The following ZBTB16 variants were observed in gnomAD, a reference collection of about 807,000 sequenced individuals.
The protein encoded by ZBTB16 is zinc finger and BTB domain containing 16.
ZBTB16 carries 8 observed loss-of-function variants against 56.8 expected under a neutral mutation model. The observed-to-expected ratio is 0.14, with a 90% CI of 0.08 to 0.25. The LOEUF (loss-of-function observed/expected upper bound fraction) is 0.25, where lower values mean the gene tolerates loss of function less well. ZBTB16 is among the 10% of genes least tolerant of loss of function. The pLI is 1.00. For missense variants in ZBTB16, 625 were observed against 903.0 expected (o/e 0.69, Z 3.95); for synonymous variants, 363 against 368.5 (o/e 0.98, Z 0.17).
chr11:114,256,744 G>A lies in ZBTB16; in HGVS notation c.*6189G>A, dbSNP rs1945023592. Among the ~76,000 whole-genome samples, 2 of 152,108 alleles carry A rather than the reference G, an allele frequency of 1.3e-5. No individual in the cohort carries two copies. The highest frequency in any genetic ancestry group is 2.4e-5 in the African/African-American group (1 of 41,404). ...GTGCAAGCTCTGCATTGTCATGGAC[G>A]GAATAAAGGATTTCCACAACACTCA... is the stretch of plus-strand genomic sequence containing the variant. On this transcript the variant is annotated 3_prime_UTR_variant, in exon 7 of 7. Coordinates refer to ENST00000335953, the MANE Select transcript of ZBTB16 (RefSeq NM_006006.6).
At position 114,255,338 on chromosome 11, in the gene ZBTB16, C is replaced by T. The variant is rs1944982150; in HGVS notation, c.*4783C>T. 6.6e-6 allele frequency among the ~76,000 whole-genome samples: 1 copy of T among 152,214 alleles called. No individual in the cohort carries two copies. ...GTTAATGTCTACCTCAGCACCTCCTCTTAGCCTAATTTTAGGAGGTTGCCC... is the reference window on the plus strand; with the variant it reads ...GTTAATGTCTACCTCAGCACCTCCTTTTAGCCTAATTTTAGGAGGTTGCCC... On this transcript the variant is annotated 3_prime_UTR_variant, in exon 7 of 7. Coordinates refer to ENST00000335953, the MANE Select transcript of ZBTB16 (RefSeq NM_006006.6).
intron 2 of ZBTB16, among the ~76,000 whole-genome samples, chr11:114,156,102 A>G (rs1487266062): frequency 2.6e-5 from 4 of 152,084 alleles, no homozygotes; most frequent in African/African-American, 4.8e-5. Flanking sequence ...TCCATGTGTC[A>G]GTGGTAAAGC....
At chr11:114,129,918 G>A (rs926539793) in intron 2 of ZBTB16, among the ~76,000 whole-genome samples, 2 of 152,122 alleles carry the variant, frequency 1.3e-5, no homozygotes, top group Non-Finnish European at 2.9e-5. Context: ...TCTGAGTGCC[G>A]CACCGTAAAT....
At chr11:114,249,457 C>CAAAAAAA (rs57092004) in intron 6 of ZBTB16, among the ~76,000 whole-genome samples, 1 of 24,200 alleles carries the variant, frequency 4.1e-5, no homozygotes, top group Non-Finnish European at 6.9e-5. Flanking sequence ...GACTCCATCT[C>CAAAAAAA]AAAAAAAAAA....
intron 3 of ZBTB16, among the ~76,000 whole-genome samples, chr11:114,173,318 C>G (rs1943019060): frequency 6.6e-6 from 1 of 152,138 alleles, no homozygotes; most frequent in African/African-American, 2.4e-5. Flanking sequence ...GAGAGACTGG[C>G]AGCATCGAGG....
chr11:114,063,940 C>T lies in ZBTB16; in HGVS notation c.640C>T (p.Leu214=), dbSNP rs1938998310. ...DSLMTIGQSL[L]QGTLQPPAGP... is the part of the protein sequence containing the mutation. The stretch of plus-strand genomic sequence containing the variant: ...TTTGATGACCATAGGACAGTCTCTC[C>T]TGCAGGGAACTCTTCAGCCACCTGC... The change falls in exon 2 of 7, where the codon CTG becomes TTG. Residue 214 remains leucine (L), a synonymous_variant. Coordinates refer to ENST00000335953, the MANE Select transcript of ZBTB16 (RefSeq NM_006006.6). This position sits in a 1 kb window ranked among gnomAD's most constrained non-coding sequence, Gnocchi z 6.5. The T allele has an allele frequency of 6.2e-7, 1 of 1,613,768 alleles. No homozygotes were observed.
At chr11:114,244,977 T>C (rs1944785784) in intron 5 of ZBTB16, among the ~76,000 whole-genome samples, 1 of 152,250 alleles carries the variant, frequency 6.6e-6, no homozygotes, top group Non-Finnish European at 1.5e-5. Flanking sequence ...ATGAGGATAC[T>C]GAATCTTTGA....
At chr11:114,177,757 T>G (rs934390609) in intron 3 of ZBTB16, among the ~76,000 whole-genome samples, 1 of 152,100 alleles carries the variant, frequency 6.6e-6, no homozygotes, top group Non-Finnish European at 1.5e-5. Flanking sequence ...TTAGAAGCAA[T>G]GGTAAGGTGA....
intron 2 of ZBTB16, among the ~76,000 whole-genome samples, chr11:114,145,577 T>G (rs1299587069): frequency 2.6e-5 from 4 of 152,166 alleles, no homozygotes. Flanking sequence ...ATATGAAATG[T>G]TCAAAATAGG....
intron 2 of ZBTB16, among the ~76,000 whole-genome samples, chr11:114,148,314 G>T: frequency 6.7e-6 from 1 of 148,718 alleles, no homozygotes; most frequent in African/African-American, 2.5e-5. Flanking sequence ...AAGGCAGGAT[G>T]CATAGGATGC....
At chr11:114,196,353 A>G (rs1442588896) in intron 4 of ZBTB16, among the ~76,000 whole-genome samples, 1 of 151,990 alleles carries the variant, frequency 6.6e-6, no homozygotes, top group Non-Finnish European at 1.5e-5. Context: ...GACTTCTTCA[A>G]ATAGAACCTT....
intron 3 of ZBTB16, among the ~76,000 whole-genome samples, chr11:114,174,407 A>C: frequency 6.6e-6 from 1 of 151,960 alleles, no homozygotes; most frequent in East Asian, 1.9e-4. Context: ...AAGGCCAGGC[A>C]TGGTGTCTCC....
intron 2 of ZBTB16, among the ~76,000 whole-genome samples, chr11:114,139,497 A>G (rs768085951): frequency 7.2e-5 from 11 of 152,004 alleles, no homozygotes; most frequent in Admixed American, 1.3e-4. Flanking sequence ...TGCATACTTC[A>G]TCTGCTCCCC....
chr11:114,126,526 G>A (rs1941512474), intron 2 of ZBTB16, among the ~76,000 whole-genome samples: 1 of 152,168 alleles, frequency 6.6e-6, no homozygotes, highest in South Asian at 2.1e-4. Flanking sequence ...AAGGTAGTGA[G>A]GCCCTTCACA....
chr11:114,077,314 G>A (rs184293317), intron 2 of ZBTB16, among the ~76,000 whole-genome samples: 5 of 152,228 alleles, frequency 3.3e-5, no homozygotes, highest in African/African-American at 1.2e-4. Flanking sequence ...CTTGGTTCTT[G>A]ATGTGAGTTT....
intron 2 of ZBTB16, among the ~76,000 whole-genome samples, chr11:114,074,357 A>G (rs1265607731): frequency 6.6e-6 from 1 of 152,210 alleles, no homozygotes; most frequent in Non-Finnish European, 1.5e-5. Context: ...CATCGGGCCC[A>G]CAGTGCTGGG....
Position 114,255,721 on chromosome 11 carries a change from A to T in ZBTB16, c.*5166A>T, listed in dbSNP as rs1282461569. Among the ~76,000 whole-genome samples the T allele has an allele frequency of 1.9e-5, 1 of 51,318 alleles. No homozygotes were observed. The highest frequency in any genetic ancestry group is 5.2e-5 in the Non-Finnish European group (1 of 19,242). 33.7% of individuals were successfully genotyped at this position (51,318 alleles called of 152,430 possible). On this transcript the variant is annotated 3_prime_UTR_variant, in exon 7 of 7. Transcript: ENST00000335953. ...TTTCAGTGTTTCTGACAAGATTTAAAAAAAAAAAAAAAGGAAAAAAAAAGA... is the reference window on the plus strand; with the variant it reads ...TTTCAGTGTTTCTGACAAGATTTAATAAAAAAAAAAAAGGAAAAAAAAAGA...
chr11:114,223,750 T>C (rs1211009593), intron 4 of ZBTB16, among the ~76,000 whole-genome samples: 2 of 152,184 alleles, frequency 1.3e-5, no homozygotes, highest in African/African-American at 2.4e-5. Context: ...AGGATGTTAT[T>C]AGAGCACACG....
At chr11:114,234,030 G>A (rs540329256) in intron 4 of ZBTB16, among the ~76,000 whole-genome samples, 1 of 152,284 alleles carries the variant, frequency 6.6e-6, no homozygotes, top group South Asian at 2.1e-4. Flanking sequence ...TGAATCAGCT[G>A]CTCAAACTCC....
Sources: gnomAD v4.1 joint callset for allele counts (sites outside exome capture counted in the v4.1 genomes callset) on GRCh38, gnomAD v4.1.1 for gene constraint, Gnocchi (gnomAD v3.1) non-coding constraint, MANE v1.5 for transcripts, NCBI Gene and HGNC (gene_info 2026-07-23, HGNC 2026-07-21) for gene names.